Variants in DCAF8L2 observed in about 807,000 individuals in gnomAD.
DCAF8L2 encodes DDB1 and CUL4 associated factor 8 like 2.
For missense variants in DCAF8L2, 430 were observed against 490.7 expected (o/e 0.88, Z 1.17); for synonymous variants, 200 against 190.9 (o/e 1.05, Z -0.39).
chrX:27,698,043 C>G (rs1360090780), intron 3 of DCAF8L2, among the ~76,000 whole-genome samples: 1 of 110,201 alleles, frequency 9.1e-6, no homozygotes, highest in Admixed American at 9.7e-5. Context: ...TTGATTTTAT[C>G]CTTACAGTTT....
the DCAF8L2 span, among the ~76,000 whole-genome samples, chrX:27,508,166 G>A: frequency 8.9e-6 from 1 of 111,805 alleles, no homozygotes; most frequent in South Asian, 3.7e-4. Context: ...CTGCCCTTGA[G>A]TTGCAAAGCT....
the DCAF8L2 span, among the ~76,000 whole-genome samples, chrX:27,496,679 T>A: frequency 0.065 from 7,246 of 111,940 alleles, 560 homozygotes; most frequent in African/African-American, 0.22. Context: ...TTATTATGTA[T>A]AATGATCCTA....
intron 3 of DCAF8L2, among the ~76,000 whole-genome samples, chrX:27,683,227 C>T (rs754095948): frequency 7.2e-5 from 8 of 111,643 alleles, no homozygotes; most frequent in South Asian, 7.5e-4. Context: ...TGCCGGTGGT[C>T]ACTGTTGAGA....
chrX:27,647,931 G>T (rs968720417), intron 2 of DCAF8L2, among the ~76,000 whole-genome samples: 29 of 111,414 alleles, frequency 2.6e-4, no homozygotes, highest in African/African-American at 9.1e-4. Flanking sequence ...TACCCACATA[G>T]TCCATAAAAT....
intron 1 of DCAF8L2, among the ~76,000 whole-genome samples, chrX:27,595,635 A>G (rs889827137): frequency 1.2e-4 from 13 of 112,318 alleles, no homozygotes; most frequent in Non-Finnish European, 1.9e-4. Context: ...CTTAGCATGT[A>G]AGATGTAATC....
chrX:27,483,225 G>A, the DCAF8L2 span, among the ~76,000 whole-genome samples: 3 of 111,220 alleles, frequency 2.7e-5, no homozygotes, highest in African/African-American at 3.3e-5. Context: ...AAACAGAAGC[G>A]AGTAAACTGC....
At chrX:27,495,678 G>A in the DCAF8L2 span, among the ~76,000 whole-genome samples, 3,684 of 111,579 alleles carry the variant, frequency 0.033, 138 homozygotes, top group African/African-American at 0.11. Context: ...TTGTCTACAT[G>A]TTATCATGGG....
At chrX:27,672,553 G>A (rs1490008692) in intron 2 of DCAF8L2, among the ~76,000 whole-genome samples, 2 of 111,903 alleles carry the variant, frequency 1.8e-5, no homozygotes, top group African/African-American at 6.5e-5. Flanking sequence ...TAGCTTCACA[G>A]AGAGAGGCGA....
the DCAF8L2 span, among the ~76,000 whole-genome samples, chrX:27,528,010 AATTTAATTAATTATTAAATTAAAT>A: frequency 6.9e-5 from 7 of 101,369 alleles, no homozygotes; most frequent in African/African-American, 2.0e-4. Context: ...TTAAATTTTT[AATTTAATTAATTATTAAATTAAAT>A]TTTTAATTTA....
chrX:27,571,777 G>A, the DCAF8L2 span, among the ~76,000 whole-genome samples: 1 of 111,370 alleles, frequency 9.0e-6, no homozygotes, highest in Non-Finnish European at 1.9e-5. Flanking sequence ...CTATCCTGTT[G>A]GGAAAACACA....
At chrX:27,488,115 A>T in the DCAF8L2 span, among the ~76,000 whole-genome samples, 1 of 111,798 alleles carries the variant, frequency 8.9e-6, no homozygotes, top group East Asian at 2.8e-4. Context: ...TCCATTGGCA[A>T]TGTGTGAGGG....
intron 3 of DCAF8L2, among the ~76,000 whole-genome samples, chrX:27,710,634 G>A (rs1180994138): frequency 8.9e-6 from 1 of 111,939 alleles, no homozygotes; most frequent in Non-Finnish European, 1.9e-5. Context: ...TTTTCTAGAA[G>A]TTATATGCAG....
At chrX:27,509,277 G>A in the DCAF8L2 span, among the ~76,000 whole-genome samples, 1 of 111,212 alleles carries the variant, frequency 9.0e-6, no homozygotes, top group Admixed American at 9.7e-5. Flanking sequence ...GTACCTGTGT[G>A]ACTACCATGG....
At chrX:27,694,741 C>A (rs779242692) in intron 3 of DCAF8L2, among the ~76,000 whole-genome samples, 3 of 111,671 alleles carry the variant, frequency 2.7e-5, no homozygotes, top group Non-Finnish European at 5.6e-5. Flanking sequence ...AAATAATATT[C>A]ATAGAAAACT....
the DCAF8L2 span, among the ~76,000 whole-genome samples, chrX:27,503,190 A>G: frequency 9.0e-6 from 1 of 111,160 alleles, no homozygotes; most frequent in Non-Finnish European, 1.9e-5. Flanking sequence ...TTCCCTATAT[A>G]TTTTTTAAAT....
chrX:27,531,043 C>T, the DCAF8L2 span, among the ~76,000 whole-genome samples: 1 of 111,681 alleles, frequency 9.0e-6, no homozygotes, highest in Non-Finnish European at 1.9e-5. Flanking sequence ...GTTTTTGTTA[C>T]AGTAGCATAA....
At chrX:27,650,496 T>G (rs1377449660) in intron 2 of DCAF8L2, among the ~76,000 whole-genome samples, 1 of 112,320 alleles carries the variant, frequency 8.9e-6, no homozygotes, top group African/African-American at 3.2e-5. Flanking sequence ...GCAGTTCTCC[T>G]TGTAGAGATC....
At chrX:27,598,434 T>TG (rs1365778633) in intron 1 of DCAF8L2, among the ~76,000 whole-genome samples, 1 of 112,606 alleles carries the variant, frequency 8.9e-6, no homozygotes, top group Non-Finnish European at 1.9e-5. Flanking sequence ...GAGAGGCTTA[T>TG]CTATGTTCCA....
At chrX:27,479,410 G>A in the DCAF8L2 span, among the ~76,000 whole-genome samples, 2 of 111,214 alleles carry the variant, frequency 1.8e-5, no homozygotes, top group Admixed American at 9.6e-5. Flanking sequence ...CAGGTACTTT[G>A]AGCAATTAAT....
Sources: allele counts gnomAD v4.1 joint callset (sites outside exome capture counted in the v4.1 genomes callset), GRCh38; gene constraint gnomAD v4.1.1; transcripts MANE v1.5; gene names NCBI Gene and HGNC (gene_info 2026-07-23, HGNC 2026-07-21).